The following LRBA variants were observed in gnomAD, a reference collection of about 807,000 sequenced individuals.
LRBA encodes LPS responsive beige-like anchor protein.
LRBA carries 176 observed loss-of-function variants against 330.0 expected under a neutral mutation model. The ratio of observed to expected loss-of-function variants is 0.53; its 90% CI spans 0.47 to 0.60. The LOEUF is 0.60. LRBA is among the 20% of genes least tolerant of loss of function. The pLI is 0.00. For synonymous variants in LRBA, 1,230 were observed against 1,193.0 expected, an observed-to-expected ratio of 1.03 and a Z score of -0.64; for missense variants, 3,259 against 3,444.8, an observed-to-expected ratio of 0.95 and a Z score of 1.35.
chr4:150,761,826 T>C lies in LRBA; in HGVS notation c.5602A>G (p.Lys1868Glu). Residue 1868 changes from lysine (K) to glutamate (E), a missense_variant, in exon 35 of 57, where the codon AAG (lysine) becomes GAG (glutamate). Transcript: ENST00000651943. ...TCGATAAAAGCAAGGCCTGCATTCTTCTGAATAGAATTTTGCCACTCCTAT... is the reference window on the plus strand; with the variant it reads ...TCGATAAAAGCAAGGCCTGCATTCTCCTGAATAGAATTTTGCCACTCCTAT... ...CSQEWQNSIQ[K>E]NAGLAFIELV... 6.5e-7 allele frequency: 1 copy of C among 1,541,382 alleles called. No individual in the cohort carries two copies. Among genetic ancestry groups the C allele is most frequent in the East Asian group, 2.4e-5 (1 of 41,624 alleles).
chr4:150,666,299 G>A (rs1781548460), intron 37 of LRBA, among the ~76,000 whole-genome samples: 1 of 152,150 alleles, frequency 6.6e-6, no homozygotes, highest in Non-Finnish European at 1.5e-5. Context: ...TTGGGAGGCT[G>A]AGGCAGGCGG....
chr4:150,675,990 A>G (rs1286875413), intron 37 of LRBA, among the ~76,000 whole-genome samples: 1 of 152,180 alleles, frequency 6.6e-6, no homozygotes, highest in South Asian at 2.1e-4. Flanking sequence ...GATTGCCCAT[A>G]TATTTGCAGT....
chr4:150,639,856 TATATATATATATATA>T (rs1778486604), intron 37 of LRBA, among the ~76,000 whole-genome samples: 1 of 80,074 alleles, frequency 1.2e-5, no homozygotes. Flanking sequence ...TATATATATA[TATATATATATATATA>T]TTTAGATGGA....
chr4:150,873,594 A>T (rs1753680649), intron 17 of LRBA, among the ~76,000 whole-genome samples: 1 of 151,866 alleles, frequency 6.6e-6, no homozygotes, highest in Admixed American at 6.6e-5. Flanking sequence ...TGTCTCAAAA[A>T]AAAAAACAAA....
At position 150,443,549 on chromosome 4, in the gene LRBA, A is replaced by G. The variant is rs368407035; in HGVS notation, c.6781-6685T>C. 8.7e-3 allele frequency among the ~76,000 whole-genome samples: 1,323 copies of G among 152,128 alleles called. 17 individuals are homozygous for G. Among genetic ancestry groups the G allele is most frequent in the African/African-American group, 0.03 (1,254 of 41,488 alleles). On this transcript the variant is annotated intron_variant, in intron 44 of 56. Coordinates refer to ENST00000651943, the MANE Select transcript of LRBA (RefSeq NM_001364905.1). ...AGGATGAGTTCATGTCCTTTGTAGGAACATGGATGAAGCTGGAAACCATCA... is the reference window on the plus strand; with the variant it reads ...AGGATGAGTTCATGTCCTTTGTAGGGACATGGATGAAGCTGGAAACCATCA...
At chr4:150,870,203 A>G (rs1753258993) in intron 20 of LRBA, among the ~76,000 whole-genome samples, 1 of 152,338 alleles carries the variant, frequency 6.6e-6, no homozygotes, top group Admixed American at 6.5e-5. Context: ...TTAAGATAAA[A>G]CTACCCCAAT....
At chr4:150,520,456 C>G (rs534565609) in intron 40 of LRBA, among the ~76,000 whole-genome samples, 1 of 151,612 alleles carries the variant, frequency 6.6e-6, no homozygotes, top group Non-Finnish European at 1.5e-5. Context: ...CAAATTATTC[C>G]TAAGTATTTT....
chr4:150,476,016 T>C (rs1241326815), intron 42 of LRBA, among the ~76,000 whole-genome samples: 1 of 152,204 alleles, frequency 6.6e-6, no homozygotes, highest in Admixed American at 6.5e-5. Flanking sequence ...CATGGTTAGG[T>C]TAAAGTCTGT....
At chr4:150,636,746 C>T (rs879358353) in intron 37 of LRBA, among the ~76,000 whole-genome samples, 5 of 152,212 alleles carry the variant, frequency 3.3e-5, no homozygotes, top group Admixed American at 3.3e-4. Flanking sequence ...CTCCTAGGCT[C>T]AAGCGATCCT....
chr4:150,933,782 G>A (rs1417081182), intron 2 of LRBA, among the ~76,000 whole-genome samples: 1 of 151,950 alleles, frequency 6.6e-6, no homozygotes, highest in Non-Finnish European at 1.5e-5. Context: ...GAAACCGAGA[G>A]AGCAGATCAG....
intron 40 of LRBA, among the ~76,000 whole-genome samples, chr4:150,568,183 C>CA (rs1229977647): frequency 2.0e-5 from 3 of 151,548 alleles, no homozygotes; most frequent in East Asian, 1.9e-4. Context: ...AAAAAACAAA[C>CA]AAAAAAAATA....
chr4:150,680,922 G>A (rs1266594644), intron 37 of LRBA, among the ~76,000 whole-genome samples: 1 of 152,102 alleles, frequency 6.6e-6, no homozygotes, highest in African/African-American at 2.4e-5. Flanking sequence ...TGACATTAAT[G>A]GGAAAGTATC....
chr4:150,559,131 C>A (rs560264979), intron 40 of LRBA, among the ~76,000 whole-genome samples: 1 of 152,142 alleles, frequency 6.6e-6, no homozygotes, highest in South Asian at 2.1e-4. Flanking sequence ...CAAATGAAGA[C>A]TATTCTGTTA....
chr4:150,849,654 TAAG>T, intron 24 of LRBA, 79 bp from the exon 25 acceptor site: 1 of 1,144,586 alleles, frequency 8.7e-7, no homozygotes, highest in African/African-American at 1.5e-5. Flanking sequence ...GGAGGAAAGA[TAAG>T]AAGGTGCTTT....
In LRBA at chr4:150,920,530, C is replaced by G. The variant is rs563632644; in HGVS notation, c.645+668G>C. Among the ~76,000 whole-genome samples, 5 of 152,198 alleles carry G rather than the reference C, an allele frequency of 3.3e-5. No individual in the cohort carries two copies. The South Asian group carries it at 1.0e-3, about 32-fold the overall frequency. The stretch of plus-strand genomic sequence containing the variant: ...CACCACTGCACTCCAGCCTGGGCAA[C>G]AAGAGCAAAACTCCATCTCAAAATA... On this transcript the variant is annotated intron_variant, in intron 5 of 56. Coordinates refer to ENST00000651943, the MANE Select transcript of LRBA (RefSeq NM_001364905.1).
intron 37 of LRBA, among the ~76,000 whole-genome samples, chr4:150,667,689 A>G (rs1031918458): frequency 1.3e-5 from 2 of 152,212 alleles, no homozygotes; most frequent in African/African-American, 4.8e-5. Context: ...GAGGCCCCAG[A>G]GAACTCTCTA....
chr4:150,432,114 A>G (rs1561168785), intron 46 of LRBA, among the ~76,000 whole-genome samples: 1 of 152,074 alleles, frequency 6.6e-6, no homozygotes. Flanking sequence ...ATGTGACCCT[A>G]TTCTTATTTT....
chr4:150,524,780 T>C (rs773261662), intron 40 of LRBA, among the ~76,000 whole-genome samples: 5 of 152,164 alleles, frequency 3.3e-5, no homozygotes, highest in African/African-American at 1.2e-4. Context: ...TTAGTCCCAC[T>C]GAAATTTAAA....
chr4:150,346,286 A>T (rs1736289441), intron 48 of LRBA, among the ~76,000 whole-genome samples: 3 of 151,562 alleles, frequency 2.0e-5, no homozygotes, highest in Admixed American at 2.0e-4. Context: ...TATATTATAT[A>T]TAAGTCTATA....
Sources: allele counts gnomAD v4.1 joint callset (sites outside exome capture counted in the v4.1 genomes callset), GRCh38; gene constraint gnomAD v4.1.1; transcripts MANE v1.5; gene names NCBI Gene and HGNC (gene_info 2026-07-23, HGNC 2026-07-21).